The following ZNF469 variants were observed in gnomAD, a reference collection of about 807,000 sequenced individuals.
The protein encoded by ZNF469 is zinc finger protein 469.
In ZNF469, 1 loss-of-function variant was observed where a neutral mutation model predicts 1.0. The ratio of observed to expected loss-of-function variants is 1.00; its 90% CI spans 0.35 to 4.73. The LOEUF (loss-of-function observed/expected upper bound fraction) is 4.73, where lower values mean the gene tolerates loss of function less well. ZNF469 is among the 30% of genes most tolerant of loss of function. The pLI is 0.16. For synonymous variants in ZNF469, 2,703 were observed against 2,363.4 expected, an observed-to-expected ratio of 1.14 and a Z score of -4.17; for missense variants, 6,100 against 5,356.3, an observed-to-expected ratio of 1.14 and a Z score of -4.33.
the ZNF469 span, among the ~76,000 whole-genome samples, chr16:88,227,668 C>G: frequency 6.6e-6 from 1 of 151,664 alleles, no homozygotes; most frequent in East Asian, 1.9e-4. Context: ...TGCCTTGATG[C>G]GTATTTTCCA....
Position 88,434,558 on chromosome 16 carries a change from C to T in ZNF469, c.7088C>T (p.Pro2363Leu). 1 of 1,550,352 alleles carries T rather than the reference C, an allele frequency of 6.5e-7. No homozygotes were observed. The highest frequency in any genetic ancestry group is 8.7e-7 in the Non-Finnish European group (1 of 1,146,948). Residue 2363 changes from proline to leucine, a missense_variant, in exon 3 of 3, where the codon CCC (proline) becomes CTC (leucine). Pro to Leu is a moderately conservative substitution (Grantham distance 98, BLOSUM62 -3). Transcript: ENST00000565624. ...PTLQGAGPDS[P>L]ACLEGEMGTS... ...CTACAGGGTGCAGGGCCGGACTCCC[C>T]CGCCTGCCTGGAAGGTGAGATGGGG... is the stretch of plus-strand genomic sequence containing the variant.
chr16:88,413,071 C>T (rs1438043226), intron 1 of ZNF469, among the ~76,000 whole-genome samples: 2 of 152,088 alleles, frequency 1.3e-5, no homozygotes, highest in Non-Finnish European at 2.9e-5. Context: ...GTGGCATCCC[C>T]ATTGCTCCTT....
At chr16:88,146,873 C>T in the ZNF469 span, among the ~76,000 whole-genome samples, 34 of 151,926 alleles carry the variant, frequency 2.2e-4, no homozygotes, top group Non-Finnish European at 4.6e-4. Flanking sequence ...CTGAAGGGGC[C>T]GGAAGAGCAC....
At chr16:88,388,137 C>G (rs1198211133) in intron 1 of ZNF469, among the ~76,000 whole-genome samples, 1 of 152,238 alleles carries the variant, frequency 6.6e-6, no homozygotes, top group Admixed American at 6.5e-5. Flanking sequence ...TGTGGATAGG[C>G]AGGTGAGTGG....
the ZNF469 span, among the ~76,000 whole-genome samples, chr16:88,228,284 T>G: frequency 1.3e-5 from 2 of 152,236 alleles, no homozygotes; most frequent in African/African-American, 4.8e-5. Context: ...AGCAACGGGA[T>G]GAGGGCCCCA....
the ZNF469 span, among the ~76,000 whole-genome samples, chr16:88,231,799 C>A: frequency 6.6e-6 from 1 of 152,222 alleles, no homozygotes; most frequent in Non-Finnish European, 1.5e-5. This position sits in a 1 kb window ranked among gnomAD's most constrained non-coding sequence, Gnocchi z 4.5. Flanking sequence ...CACTTACTCA[C>A]CTGCTCAGTC....
At position 88,431,741 on chromosome 16, in the gene ZNF469, C is replaced by A. The variant is rs1022664528; in HGVS notation, c.4271C>A (p.Ser1424Tyr). 2.6e-6 allele frequency: 4 copies of A among 1,549,984 alleles called. No individual in the cohort carries two copies. In the African/African-American group the frequency reaches 5.5e-5, roughly 21 times the overall value. ...CLCQDGEDAG[S>Y]LEPQLPRSPP... ...TGCCAGGACGGCGAGGATGCCGGTT[C>A]CCTCGAGCCACAGCTGCCAAGGAGC... is the stretch of plus-strand genomic sequence containing the variant. Residue 1424 changes from serine (S) to tyrosine (Y), a missense_variant, in exon 3 of 3, where the codon TCC becomes TAC. Coordinates refer to ENST00000565624, the MANE Select transcript of ZNF469 (RefSeq NM_001367624.2).
chr16:88,167,670 T>A, the ZNF469 span, among the ~76,000 whole-genome samples: 10,379 of 152,106 alleles, frequency 0.068, 559 homozygotes, highest in East Asian at 0.24. Context: ...CCTGATTCCA[T>A]CTCAGGAGCC....
the ZNF469 span, among the ~76,000 whole-genome samples, chr16:88,347,574 C>T: frequency 0.067 from 10,197 of 152,224 alleles, 352 homozygotes; most frequent in African/African-American, 0.089. Flanking sequence ...GATAAACTCC[C>T]GTTTTAACCA....
At chr16:88,156,938 G>A in the ZNF469 span, among the ~76,000 whole-genome samples, 1 of 152,180 alleles carries the variant, frequency 6.6e-6, no homozygotes, top group East Asian at 1.9e-4. Context: ...GATGATCTCA[G>A]GTGAGGGGCA....
chr16:88,209,514 A>G, the ZNF469 span, among the ~76,000 whole-genome samples: 60 of 152,190 alleles, frequency 3.9e-4, 1 homozygote, highest in African/African-American at 1.4e-3. Context: ...GATGGTCTCC[A>G]TCTCCTGACC....
chr16:88,176,454 T>C, the ZNF469 span, among the ~76,000 whole-genome samples: 1 of 151,530 alleles, frequency 6.6e-6, no homozygotes, highest in Non-Finnish European at 1.5e-5. Context: ...AGAAGGAGAT[T>C]TGTTCTGCAG....
At chr16:88,300,234 A>C in the ZNF469 span, among the ~76,000 whole-genome samples, 2 of 152,126 alleles carry the variant, frequency 1.3e-5, no homozygotes, top group African/African-American at 4.8e-5. Flanking sequence ...TGCTGGAGGC[A>C]CAGCCACTGC....
chr16:88,432,268 G>C lies in ZNF469; in HGVS notation c.4798G>C (p.Gly1600Arg), dbSNP rs748152457. The C allele has an allele frequency of 3.2e-6, 5 of 1,547,390 alleles. No individual in the cohort carries two copies. The highest frequency in any genetic ancestry group is 4.9e-5 in the East Asian group (2 of 40,922). Residue 1600 changes from glycine to arginine, a missense_variant, in exon 3 of 3, where the codon GGC (glycine) becomes CGC (arginine). By Grantham distance (125) the Gly-to-Arg change is moderately radical. Transcript: ENST00000565624. ...TGAGTCGGTGGGCAGGGTGGAGCTC[G>C]GCACAGGCACAGAGCCACCCTCCCA... ...EAESVGRVELGTGTEPPSQRR... is the reference protein window; with the variant it reads ...EAESVGRVELRTGTEPPSQRR...
At chr16:88,183,313 G>T in the ZNF469 span, among the ~76,000 whole-genome samples, 1 of 152,172 alleles carries the variant, frequency 6.6e-6, no homozygotes, top group Non-Finnish European at 1.5e-5. Flanking sequence ...ACTCTCAAAA[G>T]AAATGAAACT....
At position 88,437,131 on chromosome 16, in the gene ZNF469, A is replaced by T. The variant is rs1261907349; in HGVS notation, c.9661A>T (p.Ser3221Cys). 1.3e-6 allele frequency: 2 copies of T among 1,548,502 alleles called. No homozygotes were observed. The highest frequency in any genetic ancestry group is 1.7e-6 in the Non-Finnish European group (2 of 1,146,590). ...LGDLPGGLEG[S>C]SAVAHLLNSI... ...GGACCTGCCCGGAGGCCTGGAGGGC[A>T]GCAGCGCTGTCGCCCACCTTCTGAA... Residue 3221 changes from serine (S) to cysteine (C), a missense_variant, in exon 3 of 3, where the codon AGC becomes TGC. Transcript: ENST00000565624.
the ZNF469 span, among the ~76,000 whole-genome samples, chr16:88,113,824 A>C: frequency 6.6e-6 from 1 of 152,156 alleles, no homozygotes; most frequent in Non-Finnish European, 1.5e-5. Context: ...TCAGATACAC[A>C]TGCAGCCTCT....
In ZNF469 at chr16:88,438,443, A is replaced by C; in HGVS notation, c.10973A>C (p.Glu3658Ala). Residue 3658 changes from glutamate (E) to alanine (A), a missense_variant, in exon 3 of 3, where the codon GAG becomes GCG. Glu to Ala is a moderately radical substitution (Grantham distance 107). Coordinates refer to ENST00000565624, the MANE Select transcript of ZNF469 (RefSeq NM_001367624.2). Reference sequence around the variant, plus strand: ...GTGTCCTCAAGCCACATGGTGTCTGAGGGGGGGCCCCGAGGCGCCTTCCAC... The same window carrying C: ...GTGTCCTCAAGCCACATGGTGTCTGCGGGGGGGCCCCGAGGCGCCTTCCAC... ...KEVSSSHMVSEGGPRGAFHKG... is the reference protein window; with the variant it reads ...KEVSSSHMVSAGGPRGAFHKG... 3 of 1,549,960 alleles carry C rather than the reference A, an allele frequency of 1.9e-6. No homozygotes were observed. Among genetic ancestry groups the C allele is most frequent in the Non-Finnish European group, 2.6e-6 (3 of 1,146,846 alleles).
chr16:88,390,057 C>T (rs975128597), intron 1 of ZNF469, among the ~76,000 whole-genome samples: 4 of 152,190 alleles, frequency 2.6e-5, no homozygotes, highest in Non-Finnish European at 5.9e-5. Flanking sequence ...AGCTTTTTTC[C>T]GGGGTGGCTG....
Sources: gnomAD v4.1 joint callset for allele counts (sites outside exome capture counted in the v4.1 genomes callset) on GRCh38, gnomAD v4.1.1 for gene constraint, Gnocchi (gnomAD v3.1) non-coding constraint, MANE v1.5 for transcripts, NCBI Gene and HGNC (gene_info 2026-07-23, HGNC 2026-07-21) for gene names.